The following FAT1 variants were observed in gnomAD, a reference collection of about 807,000 sequenced individuals.
FAT1 encodes FAT atypical cadherin 1.
FAT1 carries 171 observed loss-of-function variants against 329.8 expected under a neutral mutation model. The observed-to-expected ratio is 0.52, with a 90% CI of 0.46 to 0.59. FAT1 has a LOEUF of 0.59. Among genes scored for constraint, FAT1 ranks in the 20% least tolerant of loss-of-function variants. The probability of loss-of-function intolerance (pLI) is 0.00; values close to 1 mark genes in which losing one functional copy is unlikely to be tolerated. For missense variants in FAT1, 5,672 were observed against 5,774.4 expected, an observed-to-expected ratio of 0.98 and a Z score of 0.57; for synonymous variants, 2,233 against 2,228.6, an observed-to-expected ratio of 1.00 and a Z score of -0.06.
intron 2 of FAT1, among the ~76,000 whole-genome samples, chr4:186,696,690 T>C (rs542302801): frequency 3.3e-5 from 5 of 152,316 alleles, no homozygotes; most frequent in Non-Finnish European, 5.9e-5. Flanking sequence ...GCAGGGCTAT[T>C]TTCCATAGAG....
intron 2 of FAT1, among the ~76,000 whole-genome samples, chr4:186,679,372 G>C (rs1225846283): frequency 4.5e-5 from 6 of 133,084 alleles, no homozygotes; most frequent in East Asian, 2.3e-4. Context: ...AGCTGAGATC[G>C]CACCACTGCA....
chr4:186,657,088 C>G (rs1741938429), intron 3 of FAT1, among the ~76,000 whole-genome samples: 1 of 152,136 alleles, frequency 6.6e-6, no homozygotes, highest in Admixed American at 6.5e-5. Flanking sequence ...ACGATCGCAG[C>G]AGCTTTCTGC....
rs537626498 is a variant in FAT1 at position 186,661,396 on chromosome 4, T to A, written c.3580+1903A>T. On this transcript the variant is annotated intron_variant, in intron 3 of 26. Transcript: ENST00000441802. ...CAAGAACAATCTCAAGAGACAGGCCTTTGTCAACCACATGTTGACATGGCT... is the reference window on the plus strand; with the variant it reads ...CAAGAACAATCTCAAGAGACAGGCCATTGTCAACCACATGTTGACATGGCT... 3.9e-5 allele frequency among the ~76,000 whole-genome samples: 6 copies of A among 152,354 alleles called. No individual in the cohort carries two copies. In the South Asian group the frequency reaches 1.0e-3, roughly 26 times the overall value.
In FAT1 at chr4:186,604,540, A is replaced by C; in HGVS notation, c.10385T>G (p.Leu3462Arg). 6.2e-7 allele frequency: 1 copy of C among 1,612,900 alleles called. No homozygotes were observed. Among genetic ancestry groups the C allele is most frequent in the Non-Finnish European group, 8.5e-7 (1 of 1,179,456 alleles). ...GGAAGAATCCTCATCTGTTACTACC[A>C]GCTGCAGCACGCTGAAGCCCACTGG... ...NKPVGFSVLQ[L>R]VVTDEDSSHN... The change falls in exon 18 of 27, where the codon CTG becomes CGG. Residue 3462 changes from leucine to arginine, a missense_variant. By Grantham distance (102) the Leu-to-Arg change is moderately radical. Transcript: ENST00000441802.
chr4:186,617,688 TTGG>T lies in FAT1; in HGVS notation c.8878+17_8878+19del. 1 of 1,518,458 alleles carries T rather than the reference TTGG, an allele frequency of 6.6e-7. No homozygotes were observed. The highest frequency in any genetic ancestry group is 8.9e-7 in the Non-Finnish European group (1 of 1,127,284). The allele number at this position is 1,518,458 out of a possible 1,614,324, so 94.1% of individuals were successfully genotyped here. A position where few individuals can be genotyped will look rare whatever the true frequency, so the allele number is the denominator to read the frequency against. ...AATCATTTTAAATTAATTAAACCGT[TTGG>T]TATGAATTTTTTTTACCTGTTATGA... On this transcript the variant is annotated intron_variant, in intron 10 of 26. Transcript: ENST00000441802.
At chr4:186,593,966 T>G (rs1180456952) in intron 26 of FAT1, among the ~76,000 whole-genome samples, 1 of 152,162 alleles carries the variant, frequency 6.6e-6, no homozygotes, top group Non-Finnish European at 1.5e-5. Flanking sequence ...TGGTAATGAG[T>G]AAAATAAAAA....
At chr4:186,604,331 C>T (rs2126437532) in intron 18 of FAT1, 46 bp downstream of exon 18, 1 of 1,517,380 alleles carries the variant, frequency 6.6e-7, no homozygotes, top group Non-Finnish European at 9.0e-7. Flanking sequence ...CCAAGCAGCT[C>T]TTCTCTATGA....
At position 186,621,495 on chromosome 4, in the gene FAT1, CACT is replaced by C. The variant is rs1740045379; in HGVS notation, c.5088_5090del (p.Val1698del). 1 of 1,613,942 alleles carries C rather than the reference CACT, an allele frequency of 6.2e-7. No homozygotes were observed. The highest frequency in any genetic ancestry group is 8.5e-7 in the Non-Finnish European group (1 of 1,179,880). ...TATTTCCATCTTTTATTTCATACAC[CACT>C]GATGATTGACTATGGGCTGTAACCA... On this transcript the variant is annotated inframe_deletion, in exon 10 of 27. Transcript: ENST00000441802.
chr4:186,663,677 G>T, intron 2 of FAT1, 64 bp from the exon 3 acceptor site: 1 of 1,335,790 alleles, frequency 7.5e-7, no homozygotes, highest in Non-Finnish European at 1.0e-6. Context: ...GCTTCAGAAA[G>T]TGTCAACAAC....
At chr4:186,610,592 T>A (rs1025981287) in intron 14 of FAT1, among the ~76,000 whole-genome samples, 1 of 143,540 alleles carries the variant, frequency 7.0e-6, no homozygotes, top group Non-Finnish European at 1.5e-5. Flanking sequence ...ATATAAATTA[T>A]ATAAATATAA....
At position 186,596,972 on chromosome 4, in the gene FAT1, C is replaced by T. The variant is rs1738554759; in HGVS notation, c.12568G>A (p.Ala4190Thr). Residue 4190 changes from alanine to threonine, a missense_variant, in exon 25 of 27, where the codon GCA becomes ACA. Physicochemically the swap from Ala to Thr is moderately conservative, Grantham distance 58. Coordinates refer to ENST00000441802, the MANE Select transcript of FAT1 (RefSeq NM_005245.4). This position sits in a 1 kb window ranked among gnomAD's most constrained non-coding sequence, Gnocchi z 4.7. ...ACCACCACCAGTAAAAATATCCCTG[C>T]AACAAACACAACGATTCCAATTCCT... The part of the protein sequence containing the change: ...AEGIGIVVFV[A>T]GIFLLVVVFV... The T allele has an allele frequency of 6.2e-7, 1 of 1,613,900 alleles. No homozygotes were observed. The highest frequency in any genetic ancestry group is 1.3e-5 in the African/African-American group (1 of 74,928).
At position 186,617,391 on chromosome 4, in the gene FAT1, T is replaced by C. The variant is rs542275343; in HGVS notation, c.8879-190A>G. Among the ~76,000 whole-genome samples, 7 of 152,302 alleles carry C rather than the reference T, an allele frequency of 4.6e-5. No homozygotes were observed. The South Asian group carries it at 1.2e-3, about 27-fold the overall frequency. ...AGGGCAGCATTAAAATGCATAAACA[T>C]AGCATTAAGACTACTAATCATTTAG... On this transcript the variant is annotated intron_variant, in intron 10 of 26. Transcript: ENST00000441802.
At chr4:186,667,498 G>A (rs1224065847) in intron 2 of FAT1, among the ~76,000 whole-genome samples, 6 of 152,156 alleles carry the variant, frequency 3.9e-5, no homozygotes, top group East Asian at 1.9e-4. Flanking sequence ...AATGCCTATC[G>A]TGATTGCTGA....
At chr4:186,656,373 CAGAAAATA>C (rs113519284) in intron 3 of FAT1, among the ~76,000 whole-genome samples, 3 of 152,118 alleles carry the variant, frequency 2.0e-5, no homozygotes, top group African/African-American at 7.2e-5. Context: ...ATTCAGGATA[CAGAAAATA>C]AGAAAAGAGA....
intron 24 of FAT1, 40 bp downstream of exon 24, chr4:186,597,642 T>C (rs1208353128): frequency 6.9e-6 from 10 of 1,455,836 alleles, no homozygotes; most frequent in Admixed American, 1.7e-5. Context: ...TATGACGCTA[T>C]GAAAAGGTAT....
At chr4:186,621,831 A>T (rs1740065911) in intron 9 of FAT1, 56 bp from the exon 10 acceptor site, 1 of 1,095,782 alleles carries the variant, frequency 9.1e-7, no homozygotes, top group Non-Finnish European at 1.3e-6. Context: ...CAGTAGTAGT[A>T]GTAGTTAGAG....
rs764419511 is a variant in FAT1 at position 186,602,924 on chromosome 4, C to A, written c.11461G>T (p.Gly3821Cys). Residue 3821 changes from glycine (G) to cysteine (C), a missense_variant, in exon 20 of 27, where the codon GGC (glycine) becomes TGC (cysteine). Physicochemically the swap from Gly to Cys is radical, Grantham distance 159. Coordinates refer to ENST00000441802, the MANE Select transcript of FAT1 (RefSeq NM_005245.4). Reference protein sequence around the residue: ...EEKHTCVCPSGRFGQCPGSSS... With the variant: ...EEKHTCVCPSCRFGQCPGSSS... Reference sequence around the variant, plus strand: ...TCACCTGGGCACTGACCAAACCTGCCGCTGGGACAGACACAGGTGTGTTTC... The same window carrying A: ...TCACCTGGGCACTGACCAAACCTGCAGCTGGGACAGACACAGGTGTGTTTC... 6.2e-7 allele frequency: 1 copy of A among 1,613,864 alleles called. No homozygotes were observed. The highest frequency in any genetic ancestry group is 1.7e-5 in the Admixed American group (1 of 60,012).
At chr4:186,629,203 A>G (rs1471697393) in intron 7 of FAT1, among the ~76,000 whole-genome samples, 1 of 152,194 alleles carries the variant, frequency 6.6e-6, no homozygotes, top group Non-Finnish European at 1.5e-5. Context: ...CACTATCCAA[A>G]TTTCTCATTC....
intron 2 of FAT1, among the ~76,000 whole-genome samples, chr4:186,686,924 C>T (rs1212390312): frequency 2.0e-5 from 3 of 152,134 alleles, no homozygotes; most frequent in South Asian, 2.1e-4. Flanking sequence ...ATTTGACAAG[C>T]CTGATAGCAG....
Sources: allele counts gnomAD v4.1 joint callset (sites outside exome capture counted in the v4.1 genomes callset), GRCh38; gene constraint gnomAD v4.1.1; non-coding constraint Gnocchi (gnomAD v3.1); transcripts MANE v1.5; gene names NCBI Gene and HGNC (gene_info 2026-07-23, HGNC 2026-07-21).